The following ASCC1 variants were observed in gnomAD, a reference collection of about 807,000 sequenced individuals.
ASCC1 encodes activating signal cointegrator 1 complex subunit 1.
In ASCC1, 35 loss-of-function variants were observed where a neutral mutation model predicts 46.6. The observed-to-expected ratio is 0.75, with a 90% CI of 0.57 to 0.99. The LOEUF (loss-of-function observed/expected upper bound fraction) is 0.99. Ranked by LOEUF, ASCC1 falls within the 50% of genes least tolerant of loss-of-function variation. The probability of loss-of-function intolerance (pLI) is 0.00; values close to 1 mark genes in which losing one functional copy is unlikely to be tolerated. For missense variants in ASCC1, 376 were observed against 428.7 expected, an observed-to-expected ratio of 0.88 and a Z score of 1.09; for synonymous variants, 143 against 146.6, an observed-to-expected ratio of 0.98 and a Z score of 0.18.
At chr10:72,192,679 A>G (rs2133208716) in intron 5 of ASCC1, among the ~76,000 whole-genome samples, 1 of 152,220 alleles carries the variant, frequency 6.6e-6, no homozygotes, top group East Asian at 1.9e-4. Context: ...TTTTTAGTAG[A>G]GATCGGATTT....
intron 7 of ASCC1, among the ~76,000 whole-genome samples, chr10:72,143,255 T>C (rs1847247312): frequency 6.6e-6 from 1 of 152,124 alleles, no homozygotes; most frequent in Non-Finnish European, 1.5e-5. Flanking sequence ...GTTGCTACTA[T>C]AAATGTGTTT....
At chr10:72,131,955 G>A (rs1237944013) in intron 8 of ASCC1, among the ~76,000 whole-genome samples, 2 of 141,518 alleles carry the variant, frequency 1.4e-5, no homozygotes, top group Non-Finnish European at 3.0e-5. Flanking sequence ...TGTAACCTCC[G>A]CCTCCCAGGT....
intron 7 of ASCC1, among the ~76,000 whole-genome samples, chr10:72,140,980 C>G (rs534546620): frequency 2.1e-4 from 32 of 152,096 alleles, no homozygotes; most frequent in Middle Eastern, 3.4e-3. Context: ...CAAGCACATA[C>G]TAATTACCAC....
At chr10:72,212,867 A>G (rs1262642080) in intron 2 of ASCC1, among the ~76,000 whole-genome samples, 9 of 152,016 alleles carry the variant, frequency 5.9e-5, no homozygotes. Context: ...TAATATTATT[A>G]ATAATAATAA....
intron 5 of ASCC1, among the ~76,000 whole-genome samples, chr10:72,163,463 G>A (rs902267675): frequency 2.0e-5 from 3 of 152,054 alleles, no homozygotes; most frequent in Non-Finnish European, 4.4e-5. Context: ...GGCTGGCCGC[G>A]GTGGCTCATG....
intron 9 of ASCC1, among the ~76,000 whole-genome samples, chr10:72,105,246 C>G (rs184400149): frequency 6.6e-5 from 10 of 152,346 alleles, no homozygotes; most frequent in Admixed American, 1.3e-4. Context: ...TCACACGCTG[C>G]TGTCCACAGA....
At chr10:72,141,036 T>TAG (rs1773095836) in intron 7 of ASCC1, among the ~76,000 whole-genome samples, 180 of 144,274 alleles carry the variant, frequency 1.2e-3, no homozygotes, top group Non-Finnish European at 1.7e-3. Flanking sequence ...TCAAATTGTT[T>TAG]ATAGATAGAT....
intron 9 of ASCC1, among the ~76,000 whole-genome samples, chr10:72,119,461 C>T (rs1198994839): frequency 1.3e-5 from 2 of 152,104 alleles, no homozygotes; most frequent in Non-Finnish European, 2.9e-5. Context: ...GTGTAGGAAC[C>T]CCACCTCAGC....
intron 5 of ASCC1, among the ~76,000 whole-genome samples, chr10:72,182,793 T>C (rs1317566517): frequency 3.0e-5 from 4 of 134,652 alleles, no homozygotes; most frequent in Admixed American, 7.9e-5. Flanking sequence ...CTGGTCAACA[T>C]AGCAACACCC....
intron 5 of ASCC1, among the ~76,000 whole-genome samples, chr10:72,192,475 A>G (rs1192327564): frequency 6.6e-6 from 1 of 151,734 alleles, no homozygotes; most frequent in East Asian, 1.9e-4. Context: ...AAAAAGAAAG[A>G]AAGAAGAAAA....
intron 6 of ASCC1, among the ~76,000 whole-genome samples, chr10:72,157,585 CT>C (rs1480140482): frequency 6.6e-6 from 1 of 152,160 alleles, no homozygotes; most frequent in Non-Finnish European, 1.5e-5. Context: ...ATTCAGCATT[CT>C]TTATTAAGAT....
intron 9 of ASCC1, among the ~76,000 whole-genome samples, chr10:72,101,985 G>C (rs778815472): frequency 1.6e-4 from 24 of 152,040 alleles, no homozygotes; most frequent in Admixed American, 5.2e-4. Context: ...GGGCCTCCTT[G>C]AGGGTGGAGG....
intron 9 of ASCC1, among the ~76,000 whole-genome samples, chr10:72,107,517 T>C (rs1243587489): frequency 2.6e-5 from 4 of 152,146 alleles, no homozygotes; most frequent in African/African-American, 7.2e-5. Flanking sequence ...AAACCTTCCA[T>C]CTACTTTAAA....
chr10:72,105,237 C>G (rs1842213052), intron 9 of ASCC1, among the ~76,000 whole-genome samples: 1 of 152,218 alleles, frequency 6.6e-6, no homozygotes, highest in Non-Finnish European at 1.5e-5. Context: ...CTGAGCTGAT[C>G]ACACGCTGCT....
chr10:72,204,355 G>A (rs892391912), intron 3 of ASCC1: 23 of 1,544,824 alleles, frequency 1.5e-5, no homozygotes, highest in East Asian at 9.8e-5. Context: ...CCATGAAGAC[G>A]GGACATGAGC....
intron 5 of ASCC1, among the ~76,000 whole-genome samples, chr10:72,171,327 A>G (rs1422010199): frequency 6.6e-6 from 1 of 152,106 alleles, no homozygotes. Context: ...TGAGCTTTCT[A>G]GCTTCTAGAG....
intron 9 of ASCC1, among the ~76,000 whole-genome samples, chr10:72,125,939 T>C (rs1844812661): frequency 6.6e-6 from 1 of 152,170 alleles, no homozygotes; most frequent in Non-Finnish European, 1.5e-5. Context: ...TGGTATATAG[T>C]CAATAAGTAT....
intron 9 of ASCC1, among the ~76,000 whole-genome samples, chr10:72,124,858 T>TA (rs971112959): frequency 1.3e-4 from 19 of 151,866 alleles, no homozygotes; most frequent in African/African-American, 4.3e-4. Context: ...CACTTTTCCA[T>TA]AAAAAACCAC....
At chr10:72,162,563 G>A (rs1057033178) in intron 5 of ASCC1, among the ~76,000 whole-genome samples, 6 of 152,076 alleles carry the variant, frequency 3.9e-5, no homozygotes, top group African/African-American at 9.7e-5. Flanking sequence ...TCAAACTCCT[G>A]GGCTCAAGCG....
Sources: gnomAD v4.1 joint callset for allele counts (sites outside exome capture counted in the v4.1 genomes callset) on GRCh38, gnomAD v4.1.1 for gene constraint, MANE v1.5 for transcripts, NCBI Gene and HGNC (gene_info 2026-07-23, HGNC 2026-07-21) for gene names.